GDI2: variants seen among roughly 807,000 people sequenced by gnomAD.
The protein encoded by GDI2 is GDP dissociation inhibitor 2, also known as rab GDP dissociation inhibitor beta.
GDI2 carries 22 observed loss-of-function variants against 54.2 expected under a neutral mutation model. The observed-to-expected ratio is 0.41, with a 90% CI of 0.29 to 0.58. GDI2 has a LOEUF of 0.58. Among genes scored for constraint, GDI2 ranks in the 20% least tolerant of loss-of-function variants. The pLI is 0.35. For missense variants in GDI2, 422 were observed against 546.0 expected (o/e 0.77, Z 2.26); for synonymous variants, 177 against 182.1 (o/e 0.97, Z 0.23).
chr10:5,772,574 T>C (rs1304149354), intron 7 of GDI2, among the ~76,000 whole-genome samples: 1 of 152,024 alleles, frequency 6.6e-6, no homozygotes, highest in African/African-American at 2.4e-5. Context: ...CTGGCCAACA[T>C]GGTGAAACCC....
chr10:5,778,073 G>A (rs1370237596), intron 6 of GDI2, among the ~76,000 whole-genome samples: 3 of 152,138 alleles, frequency 2.0e-5, no homozygotes, highest in Admixed American at 6.6e-5. Flanking sequence ...CTCATAAGTG[G>A]GAGTTGAACA....
rs926928296 is a variant in GDI2, at chr10:5,768,147, G to A, written c.991+66C>T. 2 of 1,360,140 alleles carry A rather than the reference G, an allele frequency of 1.5e-6. No homozygotes were observed. The highest frequency in any genetic ancestry group is 1.4e-5 in the African/African-American group (1 of 69,700). 84.3% of individuals were successfully genotyped at this position (1,360,140 alleles called of 1,614,324 possible). On this transcript the variant is annotated intron_variant, in intron 8 of 10. Coordinates refer to ENST00000380191, the MANE Select transcript of GDI2 (RefSeq NM_001494.4). This position sits in a 1 kb window ranked among gnomAD's most constrained non-coding sequence, Gnocchi z 4.4. Reference sequence around the variant, plus strand: ...ACAGCATACAAAATTAGGAATTTGGGATAAAACACAAAGCAAATTATATCT... The same window carrying A: ...ACAGCATACAAAATTAGGAATTTGGAATAAAACACAAAGCAAATTATATCT...
intron 1 of GDI2, among the ~76,000 whole-genome samples, chr10:5,802,720 A>T (rs1452785593): frequency 6.6e-6 from 1 of 152,240 alleles, no homozygotes; most frequent in Non-Finnish European, 1.5e-5. Context: ...TGATGTTTTG[A>T]TAATGTAAAA....
At chr10:5,800,080 C>T (rs1200335622) in intron 2 of GDI2, among the ~76,000 whole-genome samples, 1 of 152,120 alleles carries the variant, frequency 6.6e-6, no homozygotes, top group Non-Finnish European at 1.5e-5. Flanking sequence ...TATCCATATA[C>T]GTAGGTGTTC....
Position 5,776,781 on chromosome 10 carries a change from A to G in GDI2, c.720-2840T>C, listed in dbSNP as rs1588970045. On this transcript the variant is annotated intron_variant, in intron 6 of 10. Transcript: ENST00000380191. This position sits in a 1 kb window ranked among gnomAD's most constrained non-coding sequence, Gnocchi z 5.3. ...AAAGCCAAGGACATTCCAATCCCCA[A>G]TCTTCCTCCCTTGGATTTTCCATCT... is the stretch of plus-strand genomic sequence containing the variant. 3 of 1,537,058 alleles carry G rather than the reference A, an allele frequency of 2.0e-6. No individual in the cohort carries two copies. The highest frequency in any genetic ancestry group is 1.1e-5 in the South Asian group (1 of 88,384).
At chr10:5,783,139 G>A (rs932117171) in intron 6 of GDI2, among the ~76,000 whole-genome samples, 5 of 152,088 alleles carry the variant, frequency 3.3e-5, no homozygotes, top group Admixed American at 1.3e-4. Flanking sequence ...ACTTTATGGG[G>A]TGAGGAAAAT....
chr10:5,796,987 G>T (rs948893622), intron 2 of GDI2, 125 bp from the exon 3 acceptor site: 6 of 518,388 alleles, frequency 1.2e-5, no homozygotes, highest in Admixed American at 3.1e-5. Flanking sequence ...AAGTATAAGG[G>T]CATTTCATCT....
At chr10:5,788,345 T>C (rs767779350) in intron 4 of GDI2, among the ~76,000 whole-genome samples, 1 of 152,224 alleles carries the variant, frequency 6.6e-6, no homozygotes, top group Non-Finnish European at 1.5e-5. Flanking sequence ...TCTATGCTGA[T>C]GCCTTCCCAG....
intron 1 of GDI2, among the ~76,000 whole-genome samples, chr10:5,802,153 C>CT (rs1004278650): frequency 7.2e-4 from 109 of 152,064 alleles, no homozygotes; most frequent in African/African-American, 2.2e-3. Context: ...GAACTAGCCG[C>CT]TTTTTTTTAT....
At chr10:5,789,410 T>G (rs1234331510) in intron 4 of GDI2, among the ~76,000 whole-genome samples, 1 of 152,138 alleles carries the variant, frequency 6.6e-6, no homozygotes, top group Non-Finnish European at 1.5e-5. Context: ...AAATGATTTT[T>G]TTTTTAAGAG....
intron 2 of GDI2, among the ~76,000 whole-genome samples, chr10:5,798,817 T>C (rs145311086): frequency 0.028 from 4,233 of 151,318 alleles, 90 homozygotes; most frequent in South Asian, 0.053. Context: ...CTACTAAAAA[T>C]ACAAAAAATT....
intron 4 of GDI2, among the ~76,000 whole-genome samples, chr10:5,788,439 T>C (rs1453427405): frequency 6.6e-6 from 1 of 152,244 alleles, no homozygotes; most frequent in Admixed American, 6.5e-5. Flanking sequence ...TATGCCTTTC[T>C]GTATTTACAG....
chr10:5,810,970 CACTG>C (rs1357363715), intron 1 of GDI2, among the ~76,000 whole-genome samples: 1 of 152,222 alleles, frequency 6.6e-6, no homozygotes, highest in African/African-American at 2.4e-5. Flanking sequence ...AAGTTCCTAA[CACTG>C]AAAGTACTTG....
chr10:5,795,574 T>C (rs1348096653), intron 3 of GDI2, among the ~76,000 whole-genome samples: 1 of 152,214 alleles, frequency 6.6e-6, no homozygotes, highest in Non-Finnish European at 1.5e-5. Context: ...AGGTTAATAA[T>C]TCTATCAACT....
intron 4 of GDI2, among the ~76,000 whole-genome samples, chr10:5,788,013 T>G (rs1010862981): frequency 6.6e-6 from 1 of 152,184 alleles, no homozygotes; most frequent in African/African-American, 2.4e-5. Context: ...TCCTGGCTGT[T>G]TTTCCATCCC....
At chr10:5,780,744 G>A (rs764354190) in intron 6 of GDI2, among the ~76,000 whole-genome samples, 21 of 152,142 alleles carry the variant, frequency 1.4e-4, no homozygotes, top group Non-Finnish European at 2.5e-4. Context: ...AGTGAAAGCT[G>A]TAAAACACTG....
intron 2 of GDI2, among the ~76,000 whole-genome samples, chr10:5,799,819 T>G (rs1226572062): frequency 6.6e-6 from 1 of 152,236 alleles, no homozygotes; most frequent in Non-Finnish European, 1.5e-5. Flanking sequence ...TGAAATATTT[T>G]GCTCAAGCCT....
chr10:5,784,303 TC>T (rs1369545203), intron 6 of GDI2, among the ~76,000 whole-genome samples: 2 of 152,234 alleles, frequency 1.3e-5, no homozygotes, highest in Admixed American at 6.5e-5. Context: ...TATGCTATTT[TC>T]CTGGAAATTT....
At chr10:5,797,543 CAAAAAAAA>C (rs772570487) in intron 2 of GDI2, among the ~76,000 whole-genome samples, 16 of 45,360 alleles carry the variant, frequency 3.5e-4, no homozygotes, top group Middle Eastern at 0.015. Flanking sequence ...GACTCCATCT[CAAAAAAAA>C]AAAAAAAAAA....
Sources: gnomAD v4.1 joint callset for allele counts (sites outside exome capture counted in the v4.1 genomes callset) on GRCh38, gnomAD v4.1.1 for gene constraint, Gnocchi (gnomAD v3.1) non-coding constraint, MANE v1.5 for transcripts, NCBI Gene and HGNC (gene_info 2026-07-23, HGNC 2026-07-21) for gene names.